PSME4: variants seen among roughly 807,000 people sequenced by gnomAD.
PSME4 encodes the protein proteasome activator subunit 4.
Under a neutral mutation model 253.9 loss-of-function variants are expected in PSME4, and 89 were observed. The observed-to-expected ratio is 0.35, with a 90% CI of 0.30 to 0.42. The LOEUF is 0.42. PSME4 is among the 10% of genes least tolerant of loss of function. PSME4 has a pLI of 1.00. For synonymous variants in PSME4, 851 were observed against 759.2 expected, an observed-to-expected ratio of 1.12 and a Z score of -1.99; for missense variants, 2,014 against 2,195.2, an observed-to-expected ratio of 0.92 and a Z score of 1.65.
chr2:53,953,863 T>A (rs543289575), intron 1 of PSME4, among the ~76,000 whole-genome samples: 1 of 152,226 alleles, frequency 6.6e-6, no homozygotes, highest in African/African-American at 2.4e-5. Flanking sequence ...GTGATTGATA[T>A]AGAATATTTC....
In PSME4 at chr2:53,920,370, A is replaced by G. The variant is rs754243913; in HGVS notation, c.2263-20T>C. On this transcript the variant is annotated intron_variant, in intron 18 of 46. Transcript: ENST00000404125. The stretch of plus-strand genomic sequence containing the variant: ...CCAGTCCTAGAAGAGAACAGCATCT[A>G]CTCAGCAAGTTGAGAAATTAAAAAC... 5.8e-6 allele frequency: 9 copies of G among 1,558,154 alleles called. No homozygotes were observed. The highest frequency in any genetic ancestry group is 7.8e-6 in the Non-Finnish European group (9 of 1,154,604).
chr2:53,867,329 A>C (rs1293519930), intron 44 of PSME4, among the ~76,000 whole-genome samples: 3 of 152,036 alleles, frequency 2.0e-5, no homozygotes, highest in Non-Finnish European at 4.4e-5. Flanking sequence ...ACGTGGCGAA[A>C]CCCTGTCTCT....
At chr2:53,961,388 G>C (rs530256997) in intron 1 of PSME4, among the ~76,000 whole-genome samples, 14 of 152,268 alleles carry the variant, frequency 9.2e-5, no homozygotes, top group African/African-American at 3.4e-4. Context: ...GGGAAGAGGC[G>C]CTAGGTGCAG....
At chr2:53,954,202 C>A (rs1398418470) in intron 1 of PSME4, among the ~76,000 whole-genome samples, 4 of 152,166 alleles carry the variant, frequency 2.6e-5, no homozygotes, top group African/African-American at 9.7e-5. Context: ...GCGGCACGCG[C>A]CTGCAAACCC....
chr2:53,896,176 A>G (rs536901420), intron 32 of PSME4, among the ~76,000 whole-genome samples: 181 of 152,180 alleles, frequency 1.2e-3, no homozygotes, highest in Non-Finnish European at 1.3e-3. Flanking sequence ...AACTGTAGAC[A>G]TCATCTCAAA....
rs147716811 is a variant in PSME4, at chr2:53,869,271, T to C, written c.5263+105A>G. The C allele has an allele frequency of 2.6e-5, 30 of 1,166,248 alleles. 1 individual carries two copies. In the Middle Eastern group the frequency reaches 8.5e-4, roughly 33 times the overall value. 72.2% of individuals were successfully genotyped at this position (1,166,248 alleles called of 1,614,324 possible). ...GGAAAACTTTTCCCAATACCTAGCA[T>C]AGACCTGGGCACATACATACAAGTT... On this transcript the variant is annotated intron_variant, in intron 44 of 46. Transcript: ENST00000404125.
chr2:53,940,409 A>T (rs1669337190), intron 3 of PSME4, among the ~76,000 whole-genome samples: 2 of 152,146 alleles, frequency 1.3e-5, no homozygotes, highest in South Asian at 4.1e-4. Flanking sequence ...TTTCCATCAG[A>T]AATTAGCTTT....
chr2:53,928,282 T>C lies in PSME4; in HGVS notation c.1338A>G (p.Thr446=), dbSNP rs769751368. 15 of 1,614,130 alleles carry C rather than the reference T, an allele frequency of 9.3e-6. No homozygotes were observed. The highest frequency in any genetic ancestry group is 6.7e-5 in the Admixed American group (4 of 60,024). Residue 446 remains threonine, a synonymous_variant, in exon 11 of 47, where the codon ACA becomes ACG. Transcript: ENST00000404125. The part of the protein sequence containing the change: ...VLERTYPALE[T]LTEPHQLTAT... ...CTGTGAGCTGGTGAGGTTCTGTTAA[T>C]GTCTCTAATGCAGGATATGTTCTAC...
chr2:53,934,635 T>C lies in PSME4; in HGVS notation c.927A>G (p.Gly309=), dbSNP rs1200970206. ...TGGCGGTGATCCATATTACAGCATG[T>C]CCTATATCATAAGCATTTGTTAAAA... ...PRFLTNAYDI[G]HAVIWITAMM... is the part of the protein sequence containing the mutation. The change falls in exon 8 of 47, where the codon GGA becomes GGG. Residue 309 remains glycine, a synonymous_variant. Transcript: ENST00000404125. 10 of 1,612,902 alleles carry C rather than the reference T, an allele frequency of 6.2e-6. No homozygotes were observed. In the Admixed American group the frequency reaches 6.7e-5, roughly 11 times the overall value.
chr2:53,937,720 G>T (rs949737049), intron 4 of PSME4, among the ~76,000 whole-genome samples, 180 bp from the exon 5 acceptor site: 12 of 152,108 alleles, frequency 7.9e-5, no homozygotes, highest in Admixed American at 3.9e-4. Flanking sequence ...TGCCCCAGTT[G>T]GGTGCAGTAG....
intron 40 of PSME4, among the ~76,000 whole-genome samples, chr2:53,886,687 T>C (rs1679653225): frequency 6.6e-6 from 1 of 152,102 alleles, no homozygotes; most frequent in African/African-American, 2.4e-5. Flanking sequence ...GGTCTAACAA[T>C]TCCACTTCTA....
rs753045312 is a variant in PSME4 at position 53,895,094 on chromosome 2, ATATTT to A, written c.3843-23_3843-19del. On this transcript the variant is annotated intron_variant, in intron 33 of 46. Transcript: ENST00000404125. ...CCATATTCCTATATAGTAAGAGTTC[ATATTT>A]ATCATACGCATAGAAAAAAATATTA... The A allele has an allele frequency of 2.5e-6, 4 of 1,584,568 alleles. No individual in the cohort carries two copies. In the South Asian group the frequency reaches 4.6e-5, roughly 18 times the overall value.
intron 3 of PSME4, among the ~76,000 whole-genome samples, chr2:53,947,264 C>T (rs1669754279): frequency 6.6e-6 from 1 of 152,050 alleles, no homozygotes; most frequent in South Asian, 2.1e-4. Flanking sequence ...GAGGGTTAAT[C>T]ATAGATTAAA....
chr2:53,864,635 TAC>T lies in PSME4; in HGVS notation c.*941_*942del, dbSNP rs1678482986. ...TTGCCAATGCTATCTCTACAGTTTA[TAC>T]ACTCTTTTACATTTATATAACATAT... is the stretch of plus-strand genomic sequence containing the variant. On this transcript the variant is annotated 3_prime_UTR_variant, in exon 47 of 47. Transcript: ENST00000404125. The T allele has an allele frequency of 6.6e-6, 1 of 152,586 alleles. No individual in the cohort carries two copies. Among genetic ancestry groups the T allele is most frequent in the South Asian group, 2.1e-4 (1 of 4,830 alleles). The allele number at this position is 152,586 out of a possible 1,614,324, so 9.5% of individuals were successfully genotyped here.
chr2:53,930,448 G>A (rs371404573), intron 10 of PSME4, among the ~76,000 whole-genome samples: 6 of 152,190 alleles, frequency 3.9e-5, no homozygotes, highest in African/African-American at 1.2e-4. Flanking sequence ...CTACTCTGTG[G>A]AGGCCAAGAA....
chr2:53,926,958 A>G (rs1483321388), intron 12 of PSME4, among the ~76,000 whole-genome samples: 1 of 149,102 alleles, frequency 6.7e-6, no homozygotes, highest in African/African-American at 2.5e-5. Flanking sequence ...GGGTGACATA[A>G]CAAGACTCCA....
intron 1 of PSME4, among the ~76,000 whole-genome samples, chr2:53,967,749 T>C (rs959049211): frequency 1.3e-5 from 2 of 148,256 alleles, no homozygotes; most frequent in African/African-American, 2.5e-5. Flanking sequence ...AACACACCTC[T>C]GATGTCCAGA....
intron 32 of PSME4, 91 bp from the exon 33 acceptor site, chr2:53,895,827 G>A: frequency 8.5e-7 from 1 of 1,181,682 alleles, no homozygotes; most frequent in South Asian, 1.6e-5. Context: ...GCATAACTTT[G>A]TCTTCACAAA....
intron 43 of PSME4, 50 bp downstream of exon 43, chr2:53,874,289 T>TG: frequency 6.5e-7 from 1 of 1,542,804 alleles, no homozygotes; most frequent in Non-Finnish European, 8.8e-7. Flanking sequence ...GGAACCATGA[T>TG]GGTTTCTTTA....
Sources: gnomAD v4.1 joint callset for allele counts (sites outside exome capture counted in the v4.1 genomes callset) on GRCh38, gnomAD v4.1.1 for gene constraint, MANE v1.5 for transcripts, NCBI Gene and HGNC (gene_info 2026-07-23, HGNC 2026-07-21) for gene names.